RIMBP2: variants seen among roughly 807,000 people sequenced by gnomAD.
RIMBP2 encodes the protein RIMS-binding protein 2.
RIMBP2 carries 48 observed loss-of-function variants against 118.6 expected under a neutral mutation model. That is an observed-to-expected ratio of 0.40 (90% CI 0.32 to 0.51). RIMBP2 has a LOEUF of 0.51. Ranked by LOEUF, RIMBP2 falls within the 20% of genes least tolerant of loss-of-function variation. The pLI is 0.41. For synonymous variants in RIMBP2, 762 were observed against 742.9 expected (o/e 1.03, Z -0.42); for missense variants, 1,551 against 1,768.3 (o/e 0.88, Z 2.20).
Position 130,434,904 on chromosome 12 carries a change from C to T in RIMBP2, c.2107-24G>A, listed in dbSNP as rs375166926. 140 of 1,588,572 alleles carry T rather than the reference C, an allele frequency of 8.8e-5. 2 individuals are homozygous for T. Among genetic ancestry groups the T allele is most frequent in the Admixed American group, 5.0e-4 (29 of 57,644 alleles). ...AACTTGGAAAGAAAAAGGAGGCACACGGGTGAGGCAGGGCCACCTTCAGCT... is the reference window on the plus strand; with the variant it reads ...AACTTGGAAAGAAAAAGGAGGCACATGGGTGAGGCAGGGCCACCTTCAGCT... On this transcript the variant is annotated intron_variant, in intron 13 of 22. Coordinates refer to ENST00000690449, the MANE Select transcript of RIMBP2 (RefSeq NM_001393629.1). The surrounding 1 kb of genome is among the most constrained non-coding windows in gnomAD (Gnocchi z 5.7).
At chr12:130,636,413 G>A (rs1360922666) in intron 1 of RIMBP2, among the ~76,000 whole-genome samples, 1 of 152,146 alleles carries the variant, frequency 6.6e-6, no homozygotes. Context: ...GTTCTGTGCA[G>A]GTGCGAGGAC....
At chr12:130,625,059 G>T (rs1400164551) in intron 2 of RIMBP2, among the ~76,000 whole-genome samples, 1 of 152,136 alleles carries the variant, frequency 6.6e-6, no homozygotes. Context: ...CATAATAAAT[G>T]GACATATTAT....
At chr12:130,483,524 GAGA>G (rs1429524689) in intron 4 of RIMBP2, among the ~76,000 whole-genome samples, 1 of 152,226 alleles carries the variant, frequency 6.6e-6, no homozygotes, top group Non-Finnish European at 1.5e-5. Context: ...CCTGTCGGCT[GAGA>G]AGGCCAAGGA....
At chr12:130,685,895 C>G (rs1013805607) in intron 1 of RIMBP2, among the ~76,000 whole-genome samples, 1 of 152,196 alleles carries the variant, frequency 6.6e-6, no homozygotes, top group Admixed American at 6.5e-5. Flanking sequence ...ATCAGCCAAT[C>G]TTTCTTTAAG....
At chr12:130,544,758 C>T (rs1042114584) in intron 2 of RIMBP2, among the ~76,000 whole-genome samples, 1 of 151,970 alleles carries the variant, frequency 6.6e-6, no homozygotes, top group South Asian at 2.1e-4. Context: ...TACCACCACA[C>T]CCCGCTATTT....
intron 4 of RIMBP2, among the ~76,000 whole-genome samples, chr12:130,493,319 TTTG>T (rs2048820245): frequency 6.6e-6 from 1 of 152,086 alleles, no homozygotes; most frequent in Non-Finnish European, 1.5e-5. Flanking sequence ...TTTTGTTCGT[TTTG>T]TTTTGTTTTT....
chr12:130,535,264 C>T (rs919546133), intron 2 of RIMBP2, among the ~76,000 whole-genome samples: 5 of 151,874 alleles, frequency 3.3e-5, no homozygotes, highest in African/African-American at 9.7e-5. Context: ...TTTGGGAGTC[C>T]GAGATGGGAG....
intron 4 of RIMBP2, among the ~76,000 whole-genome samples, chr12:130,483,375 T>C (rs2082193917): frequency 6.6e-6 from 1 of 152,214 alleles, no homozygotes; most frequent in African/African-American, 2.4e-5. Context: ...TGCACGCACC[T>C]ACTATGCAGC....
intron 6 of RIMBP2, among the ~76,000 whole-genome samples, chr12:130,468,698 G>A (rs369348393): frequency 5.9e-5 from 9 of 152,158 alleles, no homozygotes; most frequent in South Asian, 2.1e-4. Flanking sequence ...AGGCTCAGGC[G>A]TGCAGCTTGA....
intron 7 of RIMBP2, 30 bp from the exon 8 acceptor site, chr12:130,451,370 C>T: frequency 1.3e-6 from 2 of 1,582,222 alleles, no homozygotes; most frequent in Non-Finnish European, 1.7e-6. Context: ...CAAGTTGAAA[C>T]AAATATGCGA....
rs533961132 is a variant in RIMBP2 at position 130,575,205 on chromosome 12, C to T, written c.-217+53117G>A. Among the ~76,000 whole-genome samples, 6 of 127,972 alleles carry T rather than the reference C, an allele frequency of 4.7e-5. No homozygotes were observed. The East Asian group carries it at 1.2e-3, about 25-fold the overall frequency. 84.0% of individuals were successfully genotyped at this position (127,972 alleles called of 152,430 possible). On this transcript the variant is annotated intron_variant, in intron 2 of 22. Transcript: ENST00000690449. ...CCCCAGATGCCCTGTGCCAAGTCCT[C>T]CAGAATCACACCCCCCACCCCCACC... is the stretch of plus-strand genomic sequence containing the variant.
chr12:130,416,117 G>A (rs1057425075), intron 17 of RIMBP2, among the ~76,000 whole-genome samples: 1 of 152,130 alleles, frequency 6.6e-6, no homozygotes, highest in African/African-American at 2.4e-5. Context: ...CCATGCTCAT[G>A]GGTTAGAATA....
chr12:130,637,289 G>T (rs2062395012), intron 1 of RIMBP2, among the ~76,000 whole-genome samples: 2 of 152,154 alleles, frequency 1.3e-5, no homozygotes, highest in Admixed American at 1.3e-4. Context: ...GGAATGGGAG[G>T]CCTCTGGGAG....
At chr12:130,550,156 A>G (rs1280399025) in intron 2 of RIMBP2, among the ~76,000 whole-genome samples, 1 of 152,204 alleles carries the variant, frequency 6.6e-6, no homozygotes, top group Non-Finnish European at 1.5e-5. Flanking sequence ...TGGGAGGAGA[A>G]AGGCCATGAG....
Position 130,478,894 on chromosome 12 carries a change from C to G in RIMBP2, c.102+18G>C. 1 of 1,598,554 alleles carries G rather than the reference C, an allele frequency of 6.3e-7. No individual in the cohort carries two copies. Among genetic ancestry groups the G allele is most frequent in the Non-Finnish European group, 8.6e-7 (1 of 1,168,384 alleles). On this transcript the variant is annotated intron_variant, in intron 5 of 22. Coordinates refer to ENST00000690449, the MANE Select transcript of RIMBP2 (RefSeq NM_001393629.1). ...GACTCCCTGCCTCGCACGCCGCGCC[C>G]GGCTGCCCGCCGCTTACCTTCTGCA...
intron 21 of RIMBP2, among the ~76,000 whole-genome samples, chr12:130,403,750 A>G (rs1055683822): frequency 1.6e-4 from 25 of 152,226 alleles, no homozygotes; most frequent in Admixed American, 5.2e-4. Context: ...AAGCTACAAC[A>G]AAGGTATTCC....
In RIMBP2 at chr12:130,447,849, G is replaced by A. The variant is rs943540029; in HGVS notation, c.581+2351C>T. Among the ~76,000 whole-genome samples, 4 of 152,208 alleles carry A rather than the reference G, an allele frequency of 2.6e-5. No homozygotes were observed. The highest frequency in any genetic ancestry group is 2.1e-4 in the South Asian group (1 of 4,830). On this transcript the variant is annotated intron_variant, in intron 9 of 22. Transcript: ENST00000690449. This position sits in a 1 kb window ranked among gnomAD's most constrained non-coding sequence, Gnocchi z 4.4. Reference sequence around the variant, plus strand: ...CAGAGGCAGCCCCTGCATGGAGGGCGGGGAGAGGCCGCTCGGCACCCAGAG... The same window carrying A: ...CAGAGGCAGCCCCTGCATGGAGGGCAGGGAGAGGCCGCTCGGCACCCAGAG...
rs763087204 is a variant in RIMBP2, at chr12:130,451,276, A to G, written c.423T>C (p.Pro141=). 3 of 1,614,194 alleles carry G rather than the reference A, an allele frequency of 1.9e-6. No homozygotes were observed. Among genetic ancestry groups the G allele is most frequent in the South Asian group, 2.2e-5 (2 of 91,084 alleles). Residue 141 remains proline (P), a synonymous_variant, in exon 8 of 23, where the codon CCT becomes CCC. Transcript: ENST00000690449. The stretch of plus-strand genomic sequence containing the variant: ...CGGACAGAGGCTCCGGCCTGTCACC[A>G]GGCTGCGGAAGGGGCCGGATATATT... ...IGEYIRPLPQ[P]GDRPEPLSAK...
At chr12:130,606,021 C>T (rs977917020) in intron 2 of RIMBP2, among the ~76,000 whole-genome samples, 2 of 151,750 alleles carry the variant, frequency 1.3e-5, no homozygotes, top group Admixed American at 1.3e-4. Flanking sequence ...TAAGCCGAGA[C>T]CATGCAATTG....
Sources: gnomAD v4.1 joint callset for allele counts (sites outside exome capture counted in the v4.1 genomes callset) on GRCh38, gnomAD v4.1.1 for gene constraint, Gnocchi (gnomAD v3.1) non-coding constraint, MANE v1.5 for transcripts, NCBI Gene and HGNC (gene_info 2026-07-23, HGNC 2026-07-21) for gene names.